ANXA4: variants seen among roughly 807,000 people sequenced by gnomAD.
ANXA4 encodes annexin A4.
In ANXA4, 39 loss-of-function variants were observed where a neutral mutation model predicts 49.8. The observed-to-expected ratio is 0.78, with a 90% CI of 0.61 to 1.02. ANXA4 has a LOEUF of 1.02. ANXA4 is among the 50% of genes least tolerant of loss of function. The probability of loss-of-function intolerance (pLI) is 0.00; values close to 1 mark genes in which losing one functional copy is unlikely to be tolerated. For synonymous variants in ANXA4, 134 were observed against 152.5 expected, an observed-to-expected ratio of 0.88 and a Z score of 0.89; for missense variants, 360 against 410.1, an observed-to-expected ratio of 0.88 and a Z score of 1.05.
intron 2 of ANXA4, among the ~76,000 whole-genome samples, chr2:69,704,405 A>C (rs1678425136): frequency 6.6e-6 from 1 of 152,234 alleles, no homozygotes; most frequent in Admixed American, 6.5e-5. Flanking sequence ...AGCGTCTTAA[A>C]ATAAGAAACA....
chr2:69,804,520 C>T lies in ANXA4; in HGVS notation c.98-13C>T. On this transcript the variant is annotated splice_polypyrimidine_tract_variant and intron_variant, in intron 3 of 12. Transcript: ENST00000394295. Reference sequence around the variant, plus strand: ...CAAATCACACTTACCTGCTGTCTCCCTTCTTCCCCCAGGCACCGATGAAGA... The same window carrying T: ...CAAATCACACTTACCTGCTGTCTCCTTTCTTCCCCCAGGCACCGATGAAGA... 2 of 1,610,692 alleles carry T rather than the reference C, an allele frequency of 1.2e-6. No individual in the cohort carries two copies. Among genetic ancestry groups the T allele is most frequent in the East Asian group, 2.2e-5 (1 of 44,812 alleles).
intron 2 of ANXA4, among the ~76,000 whole-genome samples, chr2:69,692,651 T>G (rs1678013784): frequency 6.6e-6 from 1 of 152,246 alleles, no homozygotes; most frequent in African/African-American, 2.4e-5. Flanking sequence ...TATTAAGTGA[T>G]GTCAGAGACC....
At chr2:69,774,798 G>C (rs922413993) in intron 1 of ANXA4, among the ~76,000 whole-genome samples, 6 of 152,136 alleles carry the variant, frequency 3.9e-5, no homozygotes, top group African/African-American at 1.4e-4. Context: ...TTTATAAGGG[G>C]AGAGGAACAG....
chr2:69,656,169 T>C (rs1184381345), intron 2 of ANXA4, among the ~76,000 whole-genome samples: 1 of 146,352 alleles, frequency 6.8e-6, no homozygotes, highest in Admixed American at 7.1e-5. Flanking sequence ...GCACTTAAAG[T>C]ATAATTAAAA....
At position 69,721,517 on chromosome 2, in the gene ANXA4, G is replaced by T. The variant is rs547269713; in HGVS notation, n.864+646G>T. Among the ~76,000 whole-genome samples the T allele has an allele frequency of 4.9e-4, 75 of 152,142 alleles. 1 individual carries two copies. In the South Asian group the frequency reaches 5.8e-3, roughly 12 times the overall value. The stretch of plus-strand genomic sequence containing the variant: ...GAGCCCAGGAGTTGGAGACAAGGCT[G>T]GCAAGACCCTGTCTCTACAAAAAAA... On this transcript the variant is annotated intron_variant and non_coding_transcript_variant, in intron 3 of 3. Transcript: ENST00000418066.
At chr2:69,749,776 A>AT (rs1428572295) in intron 1 of ANXA4, among the ~76,000 whole-genome samples, 2 of 151,672 alleles carry the variant, frequency 1.3e-5, no homozygotes, top group African/African-American at 4.8e-5. Context: ...AAAAAAAAAA[A>AT]TAGCTAGGTG....
chr2:69,662,513 C>G (rs2105326152), intron 2 of ANXA4, among the ~76,000 whole-genome samples: 1 of 152,150 alleles, frequency 6.6e-6, no homozygotes, highest in East Asian at 1.9e-4. Flanking sequence ...AAGACTAGGG[C>G]TACTGTACTG....
At chr2:69,758,629 A>G (rs1671153291) in intron 1 of ANXA4, among the ~76,000 whole-genome samples, 1 of 152,256 alleles carries the variant, frequency 6.6e-6, no homozygotes, top group South Asian at 2.1e-4. Context: ...TTCTTAAAAA[A>G]ATAAAAATGA....
intron 2 of ANXA4, among the ~76,000 whole-genome samples, chr2:69,673,036 G>A (rs559854255): frequency 2.2e-4 from 34 of 152,290 alleles, no homozygotes; most frequent in African/African-American, 8.2e-4. Flanking sequence ...AGAGGATGTG[G>A]AGAAATAAGA....
chr2:69,825,449 C>T lies in ANXA4; in HGVS notation c.907-7C>T, dbSNP rs1438141338. On this transcript the variant is annotated splice_region_variant and splice_polypyrimidine_tract_variant and intron_variant, in intron 12 of 12. Transcript: ENST00000394295. ...TATTTATCTAACTTTGCTTCCCTAT[C>T]GAACAGGGTGACACATCTGGAGACT... 3 of 1,603,492 alleles carry T rather than the reference C, an allele frequency of 1.9e-6. No homozygotes were observed. The highest frequency in any genetic ancestry group is 2.2e-5 in the East Asian group (1 of 44,496).
intron 2 of ANXA4, among the ~76,000 whole-genome samples, chr2:69,668,865 G>T (rs1677042757): frequency 6.6e-6 from 1 of 151,892 alleles, no homozygotes; most frequent in Non-Finnish European, 1.5e-5. Context: ...ATGTTATATA[G>T]TCATCATGTA....
In ANXA4 at chr2:69,712,065, T is replaced by TG. The variant is rs555842281; in HGVS notation, n.767-8703dup. Among the ~76,000 whole-genome samples, 4 of 152,116 alleles carry TG rather than the reference T, an allele frequency of 2.6e-5. No homozygotes were observed. The South Asian group carries it at 6.2e-4, about 24-fold the overall frequency. On this transcript the variant is annotated intron_variant and non_coding_transcript_variant, in intron 2 of 3. Coordinates refer to the ANXA4 transcript ENST00000418066. ...TCATTCTCTTGGTCTCTCCTTTTCC[T>TG]GGGGGGTCTTAGACACCATGTGTAA...
intron 2 of ANXA4, among the ~76,000 whole-genome samples, chr2:69,784,858 C>G (rs1309838862): frequency 6.6e-6 from 1 of 152,200 alleles, no homozygotes; most frequent in East Asian, 1.9e-4. Flanking sequence ...ACGGTGCTCA[C>G]CCCTTGTATG....
chr2:69,709,912 A>C, intron 2 of ANXA4, among the ~76,000 whole-genome samples: 1 of 151,980 alleles, frequency 6.6e-6, no homozygotes, highest in East Asian at 1.9e-4. Flanking sequence ...AACAATAGGT[A>C]ACTTAAACAC....
chr2:69,796,398 C>T (rs574307418), intron 3 of ANXA4, among the ~76,000 whole-genome samples: 4 of 152,222 alleles, frequency 2.6e-5, no homozygotes, highest in Non-Finnish European at 5.9e-5. Flanking sequence ...TTCAGGAGAT[C>T]TTCCAAGGTA....
upstream of ANXA4, among the ~76,000 whole-genome samples, chr2:69,739,917 C>A (rs1670341323): frequency 6.6e-6 from 1 of 152,082 alleles, no homozygotes; most frequent in African/African-American, 2.4e-5. Context: ...AGAAACTGAG[C>A]AAAGATATGG....
intron 3 of ANXA4, 109 bp downstream of exon 3, chr2:69,788,250 C>A: frequency 1.0e-6 from 1 of 975,548 alleles, no homozygotes; most frequent in Non-Finnish European, 1.6e-6. Flanking sequence ...TTTAATAAAA[C>A]ACAAGGGAGG....
intron 3 of ANXA4, 37 bp downstream of exon 3, chr2:69,788,178 A>G (rs1425857429): frequency 6.4e-7 from 1 of 1,564,854 alleles, no homozygotes; most frequent in African/African-American, 1.4e-5. Flanking sequence ...TCCTGCGTGC[A>G]TTGCACATCA....
chr2:69,795,235 T>G (rs1672895273), intron 3 of ANXA4, among the ~76,000 whole-genome samples: 1 of 152,250 alleles, frequency 6.6e-6, no homozygotes, highest in African/African-American at 2.4e-5. Flanking sequence ...GAGTGAGGGC[T>G]GTTTTGAAAT....
Sources: allele counts gnomAD v4.1 joint callset (sites outside exome capture counted in the v4.1 genomes callset), GRCh38; gene constraint gnomAD v4.1.1; transcripts MANE v1.5; gene names NCBI Gene and HGNC (gene_info 2026-07-23, HGNC 2026-07-21).